The following PTPRA variants were observed in gnomAD, a reference collection of about 807,000 sequenced individuals.
PTPRA encodes the protein protein tyrosine phosphatase receptor type A.
Under a neutral mutation model 104.8 loss-of-function variants are expected in PTPRA, and 25 were observed. That is an observed-to-expected ratio of 0.24 (90% confidence interval 0.17 to 0.33). PTPRA has a LOEUF of 0.33. Among genes scored for constraint, PTPRA ranks in the 10% least tolerant of loss-of-function variants. PTPRA has a pLI of 1.00. For synonymous variants in PTPRA, 323 were observed against 368.9 expected (o/e 0.88, Z 1.43); for missense variants, 765 against 1,015.3 (o/e 0.75, Z 3.35).
At position 2,978,070 on chromosome 20, in the gene PTPRA, G is replaced by A. The variant is rs573449041; in HGVS notation, c.442+2829G>A. Among the ~76,000 whole-genome samples the A allele has an allele frequency of 3.7e-4, 56 of 152,278 alleles. 1 individual carries two copies. The South Asian group carries it at 0.011, about 30-fold the overall frequency. ...GTAAGTCATGTGTTTGAGGATCTGT[G>A]CGCAGTTGACATGTGTGAGGTGTGG... On this transcript the variant is annotated intron_variant, in intron 6 of 23. Transcript: ENST00000399903.
chr20:3,020,304 TAGGC>T (rs1383988268), intron 13 of PTPRA, among the ~76,000 whole-genome samples: 3 of 152,018 alleles, frequency 2.0e-5, no homozygotes, highest in Non-Finnish European at 4.4e-5. Flanking sequence ...TTCACTGTGT[TAGGC>T]AGGATGGTCT....
chr20:2,892,291 A>G (rs896734303), intron 1 of PTPRA, among the ~76,000 whole-genome samples: 63 of 49,928 alleles, frequency 1.3e-3, no homozygotes, highest in Admixed American at 2.8e-3. Flanking sequence ...CTCTGTCTCA[A>G]AAAAAAAAAA....
At chr20:2,915,072 A>ATTC (rs751103048) in intron 1 of PTPRA, among the ~76,000 whole-genome samples, 1 of 149,986 alleles carries the variant, frequency 6.7e-6, no homozygotes, top group African/African-American at 2.4e-5. Flanking sequence ...TCAGTACTTC[A>ATTC]TTCTTCTTCT....
chr20:2,903,008 C>A (rs79866096), intron 1 of PTPRA, among the ~76,000 whole-genome samples: 6 of 152,116 alleles, frequency 3.9e-5, no homozygotes, highest in African/African-American at 1.4e-4. Flanking sequence ...CTCTCTGTGC[C>A]TCAGTTTCTT....
intron 3 of PTPRA, among the ~76,000 whole-genome samples, chr20:2,958,755 G>A (rs2061633650): frequency 6.7e-6 from 1 of 149,872 alleles, no homozygotes; most frequent in African/African-American, 2.5e-5. Flanking sequence ...GCTGAGGCAG[G>A]AGAATTGCTT....
intron 1 of PTPRA, among the ~76,000 whole-genome samples, chr20:2,914,482 CTG>C (rs1315586535): frequency 1.4e-5 from 2 of 142,000 alleles, no homozygotes; most frequent in Non-Finnish European, 3.0e-5. Flanking sequence ...TGTGTGTGTA[CTG>C]TGAGTTCACA....
At chr20:2,865,207 G>A in the PTPRA span, 5 of 1,614,140 alleles carry the variant, frequency 3.1e-6, no homozygotes, top group Admixed American at 6.7e-5. This position sits in a 1 kb window ranked among gnomAD's most constrained non-coding sequence, Gnocchi z 5.2. Flanking sequence ...ACGAGCTGGG[G>A]GGCCAGTTCC....
chr20:2,952,695 T>A (rs2061394411), intron 3 of PTPRA, among the ~76,000 whole-genome samples: 1 of 152,222 alleles, frequency 6.6e-6, no homozygotes, highest in African/African-American at 2.4e-5. Flanking sequence ...ACTGAAATTC[T>A]GTACCCATTT....
At chr20:2,911,757 A>C (rs2059730169) in intron 1 of PTPRA, among the ~76,000 whole-genome samples, 1 of 152,198 alleles carries the variant, frequency 6.6e-6, no homozygotes, top group Non-Finnish European at 1.5e-5. Context: ...ACTATGTAAG[A>C]GCAGGGTGGG....
intron 11 of PTPRA, among the ~76,000 whole-genome samples, chr20:3,009,496 G>A (rs1476459775): frequency 1.3e-5 from 2 of 152,182 alleles, no homozygotes; most frequent in Non-Finnish European, 2.9e-5. Flanking sequence ...TGAAAGAACA[G>A]GAGGTTGTGT....
intron 9 of PTPRA, among the ~76,000 whole-genome samples, chr20:2,998,509 G>A (rs2063494750): frequency 6.6e-6 from 1 of 152,184 alleles, no homozygotes; most frequent in Non-Finnish European, 1.5e-5. Flanking sequence ...AGAGAGTTGG[G>A]AGTTTGCGTT....
At chr20:3,021,159 T>G in intron 13 of PTPRA, 150 bp from the exon 14 acceptor site, 1 of 1,070,404 alleles carries the variant, frequency 9.3e-7, no homozygotes, top group Non-Finnish European at 1.3e-6. Context: ...TTTGAATAAG[T>G]AAGTGTGCAA....
At chr20:2,955,719 C>T (rs2061512703) in intron 3 of PTPRA, 1 of 947,592 alleles carries the variant, frequency 1.1e-6, no homozygotes, top group Non-Finnish European at 1.3e-6. Context: ...GTTTTCTACT[C>T]ATCAGCACCC....
intron 1 of PTPRA, among the ~76,000 whole-genome samples, chr20:2,911,780 T>C (rs962921827): frequency 1.3e-5 from 2 of 152,006 alleles, no homozygotes; most frequent in African/African-American, 4.8e-5. Context: ...TATGGGTAGA[T>C]ACGTACATGC....
intron 6 of PTPRA, among the ~76,000 whole-genome samples, chr20:2,986,530 T>G (rs1568682915): frequency 1.3e-5 from 2 of 152,212 alleles, no homozygotes; most frequent in Non-Finnish European, 2.9e-5. Context: ...TGTATGATAG[T>G]CAGAGATGGG....
chr20:2,943,097 A>G (rs1600147887), intron 2 of PTPRA, among the ~76,000 whole-genome samples: 1 of 151,226 alleles, frequency 6.6e-6, no homozygotes, highest in Non-Finnish European at 1.5e-5. Flanking sequence ...TTTAGTGGTT[A>G]CCCTACAGAT....
intron 2 of PTPRA, among the ~76,000 whole-genome samples, chr20:2,941,584 C>T (rs2147663204): frequency 6.6e-6 from 1 of 152,324 alleles, no homozygotes; most frequent in African/African-American, 2.4e-5. Flanking sequence ...AAATGCAGGG[C>T]AGGGAGGTCA....
Position 3,027,755 on chromosome 20 carries a change from C to T in PTPRA, c.1834C>T (p.His612Tyr), listed in dbSNP as rs745390095. Residue 612 changes from histidine (H) to tyrosine (Y), a missense_variant, in exon 20 of 24, where the codon CAC becomes TAC. By Grantham distance (83) the His-to-Tyr change is moderately conservative. Around this residue, in one of 4 missense-constraint regions of PTPRA, gnomAD observed 192 missense variants for 227.0 expected, o/e 0.85. Transcript: ENST00000399903. Reference sequence around the variant, plus strand: ...TATCGCCAGCCAGGGCCCTCTTCTCCACACAATTGAGGACTTCTGGCGAAT... The same window carrying T: ...TATCGCCAGCCAGGGCCCTCTTCTCTACACAATTGAGGACTTCTGGCGAAT... Reference protein sequence around the residue: ...SYIASQGPLLHTIEDFWRMIW... With the variant: ...SYIASQGPLLYTIEDFWRMIW... 4 of 1,614,172 alleles carry T rather than the reference C, an allele frequency of 2.5e-6. No individual in the cohort carries two copies. Among genetic ancestry groups the T allele is most frequent in the South Asian group, 2.2e-5 (2 of 91,084 alleles).
intron 1 of PTPRA, among the ~76,000 whole-genome samples, chr20:2,907,618 A>G (rs2059474363): frequency 6.6e-6 from 1 of 152,178 alleles, no homozygotes; most frequent in South Asian, 2.1e-4. Flanking sequence ...CTGAGATTCC[A>G]CTTTAGGTTA....
Sources: allele counts gnomAD v4.1 joint callset (sites outside exome capture counted in the v4.1 genomes callset), GRCh38; gene constraint gnomAD v4.1.1; regional missense constraint gnomAD v4.1.1; non-coding constraint Gnocchi (gnomAD v3.1); transcripts MANE v1.5; gene names NCBI Gene and HGNC (gene_info 2026-07-23, HGNC 2026-07-21).